The following ARHGAP32 variants were observed in gnomAD, a reference collection of about 807,000 sequenced individuals.
ARHGAP32 encodes Rho GTPase activating protein 32.
Under a neutral mutation model 186.5 loss-of-function variants are expected in ARHGAP32, and 51 were observed. The observed-to-expected ratio is 0.27, with a 90% confidence interval of 0.22 to 0.35. The LOEUF (loss-of-function observed/expected upper bound fraction) is 0.35, where lower values mean the gene tolerates loss of function less well. ARHGAP32 is among the 10% of genes least tolerant of loss of function. The pLI, the probability that ARHGAP32 is intolerant of heterozygous loss-of-function variation, is 1.00. For synonymous variants in ARHGAP32, 950 were observed against 964.3 expected, an observed-to-expected ratio of 0.99 and a Z score of 0.27; for missense variants, 2,186 against 2,623.5, an observed-to-expected ratio of 0.83 and a Z score of 3.64.
intron 12 of ARHGAP32, among the ~76,000 whole-genome samples, chr11:128,994,548 G>GA (rs1946149360): frequency 6.6e-6 from 1 of 151,810 alleles, no homozygotes; most frequent in African/African-American, 2.4e-5. Flanking sequence ...CAAACCCCTA[G>GA]GCTCAGGTGC....
At chr11:129,204,402 A>AT (rs2135580744) in intron 1 of ARHGAP32, among the ~76,000 whole-genome samples, 2 of 152,308 alleles carry the variant, frequency 1.3e-5, no homozygotes, top group East Asian at 3.9e-4. Context: ...GATGAAATCA[A>AT]TAGGGGTAAG....
chr11:129,147,870 A>C (rs1257215575), intron 2 of ARHGAP32, among the ~76,000 whole-genome samples: 1 of 152,176 alleles, frequency 6.6e-6, no homozygotes, highest in Non-Finnish European at 1.5e-5. Context: ...ATAAAATGAA[A>C]ACAAGATGAC....
At position 129,130,057 on chromosome 11, in the gene ARHGAP32, T is replaced by C. The variant is rs991880155; in HGVS notation, c.226-5163A>G. ...TCCATTAAAATTATAAACCTCGAAA[T>C]TGGAGGCCTTACTTAGACCTTCTAA... On this transcript the variant is annotated intron_variant, in intron 2 of 22. Coordinates refer to ENST00000682385, the MANE Select transcript of ARHGAP32 (RefSeq NM_001378024.1). Among the ~76,000 whole-genome samples the C allele has an allele frequency of 2.0e-5, 3 of 152,166 alleles. No homozygotes were observed. In the East Asian group the frequency reaches 5.8e-4, roughly 29 times the overall value.
chr11:129,034,737 A>AG (rs1939255534), intron 11 of ARHGAP32, among the ~76,000 whole-genome samples: 1 of 151,200 alleles, frequency 6.6e-6, no homozygotes, highest in Non-Finnish European at 1.5e-5. Context: ...ACAAAAAAAA[A>AG]AAAAAAAGAG....
chr11:129,251,555 A>C (rs966859068), intron 1 of ARHGAP32, among the ~76,000 whole-genome samples: 1 of 152,160 alleles, frequency 6.6e-6, no homozygotes. Flanking sequence ...ATACTGAAAC[A>C]CATCAACAAT....
At chr11:129,231,347 C>T (rs1243733016) in intron 1 of ARHGAP32, among the ~76,000 whole-genome samples, 2 of 151,986 alleles carry the variant, frequency 1.3e-5, no homozygotes, top group African/African-American at 2.4e-5. Flanking sequence ...TTGTTAAATA[C>T]ACTAACAAGG....
chr11:129,186,464 A>C (rs554210839), intron 1 of ARHGAP32, among the ~76,000 whole-genome samples: 3 of 152,326 alleles, frequency 2.0e-5, no homozygotes, highest in African/African-American at 4.8e-5. Flanking sequence ...TGTTCATATC[A>C]GACTTTGCTG....
intron 1 of ARHGAP32, among the ~76,000 whole-genome samples, chr11:129,269,935 C>T (rs1163279807): frequency 6.6e-6 from 1 of 152,064 alleles, no homozygotes; most frequent in African/African-American, 2.4e-5. Flanking sequence ...AATGGCACAG[C>T]CACTTGGGAA....
chr11:129,227,073 A>G (rs1456143008), intron 1 of ARHGAP32, among the ~76,000 whole-genome samples: 1 of 152,120 alleles, frequency 6.6e-6, no homozygotes, highest in East Asian at 1.9e-4. Context: ...GTTAACGGGT[A>G]CATGATGTAT....
At chr11:129,143,337 C>A (rs1943101435) in intron 2 of ARHGAP32, among the ~76,000 whole-genome samples, 1 of 151,922 alleles carries the variant, frequency 6.6e-6, no homozygotes, top group Admixed American at 6.6e-5. Flanking sequence ...TTTCAGTTAC[C>A]CATGGTCAAC....
intron 2 of ARHGAP32, among the ~76,000 whole-genome samples, chr11:129,163,366 A>G: frequency 6.6e-6 from 1 of 152,182 alleles, no homozygotes; most frequent in Non-Finnish European, 1.5e-5. Context: ...TGTTACAAAA[A>G]GTTTTAATAA....
chr11:128,974,586 G>A lies in ARHGAP32; in HGVS notation c.2611C>T (p.Pro871Ser), dbSNP rs201665928. 126 of 1,614,176 alleles carry A rather than the reference G, an allele frequency of 7.8e-5. No individual in the cohort carries two copies. The highest frequency in any genetic ancestry group is 5.9e-5 in the Non-Finnish European group (70 of 1,180,012). The change falls in exon 21 of 23, where the codon CCT becomes TCT. Residue 871 changes from proline (P) to serine (S), a missense_variant. By Grantham distance (74) the Pro-to-Ser change is moderately conservative. Around this residue, in one of 5 missense-constraint regions of ARHGAP32, gnomAD observed 1,502 missense variants for 1,570.0 expected, o/e 0.96. Transcript: ENST00000682385. ...GSTASSEPVS[P>S]LQEKLSPFFT... is the part of the protein sequence containing the mutation. ...AATGGACTCAGTTTCTCCTGAAGAG[G>A]AGAGACAGGTTCAGAGCTTGCTGTG...
chr11:129,189,610 C>T (rs1413901067), intron 1 of ARHGAP32, among the ~76,000 whole-genome samples: 2 of 152,060 alleles, frequency 1.3e-5, no homozygotes, highest in Non-Finnish European at 2.9e-5. Flanking sequence ...ACCACAGTGA[C>T]AAGGTAGGTA....
At chr11:129,095,095 T>C (rs1370139101) in intron 5 of ARHGAP32, among the ~76,000 whole-genome samples, 1 of 152,210 alleles carries the variant, frequency 6.6e-6, no homozygotes, top group Non-Finnish European at 1.5e-5. Flanking sequence ...GTTCACAAGA[T>C]AACAATCATT....
intron 1 of ARHGAP32, 126 bp from the exon 2 acceptor site, chr11:129,164,553 TG>T: frequency 1.7e-6 from 1 of 593,432 alleles, no homozygotes; most frequent in Non-Finnish European, 2.9e-6. Flanking sequence ...AGAGCTTAAC[TG>T]AATAGCAGTG....
At chr11:129,058,938 G>T (rs1940377542) in intron 10 of ARHGAP32, among the ~76,000 whole-genome samples, 1 of 152,186 alleles carries the variant, frequency 6.6e-6, no homozygotes, top group South Asian at 2.1e-4. Context: ...AGTCTGAAGA[G>T]TTTTTCTCCA....
At chr11:129,079,755 A>G (rs543467254) in intron 6 of ARHGAP32, among the ~76,000 whole-genome samples, 1 of 152,314 alleles carries the variant, frequency 6.6e-6, no homozygotes. Context: ...TCACATCTCA[A>G]TACTAATGTT....
chr11:128,996,786 A>ATT (rs1003359619), intron 12 of ARHGAP32, among the ~76,000 whole-genome samples: 1 of 149,838 alleles, frequency 6.7e-6, no homozygotes. Flanking sequence ...TAAAAAGAAA[A>ATT]TTTTTTTTTT....
At chr11:129,036,367 C>T (rs370060203) in intron 11 of ARHGAP32, among the ~76,000 whole-genome samples, 6 of 95,482 alleles carry the variant, frequency 6.3e-5, no homozygotes, top group South Asian at 7.4e-4. Context: ...GCAACAAGAG[C>T]GAAACTCCGT....
Sources: gnomAD v4.1 joint callset for allele counts (sites outside exome capture counted in the v4.1 genomes callset) on GRCh38, gnomAD v4.1.1 for gene constraint, gnomAD v4.1.1 regional missense constraint, MANE v1.5 for transcripts, NCBI Gene and HGNC (gene_info 2026-07-23, HGNC 2026-07-21) for gene names.